The following ADAMTS12 variants were observed in gnomAD, a reference collection of about 807,000 sequenced individuals.
ADAMTS12 encodes ADAM metallopeptidase with thrombospondin type 1 motif 12.
ADAMTS12 carries 118 observed loss-of-function variants against 167.8 expected under a neutral mutation model. The observed-to-expected ratio is 0.70, with a 90% confidence interval of 0.61 to 0.82. ADAMTS12 has a LOEUF of 0.82. ADAMTS12 is among the 40% of genes least tolerant of loss of function. The pLI is 0.00. For synonymous variants in ADAMTS12, 704 were observed against 716.9 expected, an observed-to-expected ratio of 0.98 and a Z score of 0.29; for missense variants, 1,916 against 1,998.8, an observed-to-expected ratio of 0.96 and a Z score of 0.79.
intron 3 of ADAMTS12, among the ~76,000 whole-genome samples, chr5:33,739,015 C>T (rs1475033771): frequency 6.6e-6 from 1 of 152,152 alleles, no homozygotes; most frequent in African/African-American, 2.4e-5. Context: ...GAAAGCCTTT[C>T]GTTCGGAGGT....
chr5:33,556,952 C>T (rs754245872), intron 20 of ADAMTS12, among the ~76,000 whole-genome samples: 3 of 152,200 alleles, frequency 2.0e-5, no homozygotes, highest in Admixed American at 6.5e-5. Flanking sequence ...GTTCTTTCTG[C>T]TCATCCACCC....
intron 2 of ADAMTS12, among the ~76,000 whole-genome samples, chr5:33,763,203 G>A (rs572121661): frequency 6.6e-6 from 1 of 152,126 alleles, no homozygotes; most frequent in Admixed American, 6.6e-5. Context: ...TTAGCAGAAG[G>A]GAGTTTGCAG....
chr5:33,778,246 C>A (rs948547037), intron 2 of ADAMTS12, among the ~76,000 whole-genome samples: 2 of 151,918 alleles, frequency 1.3e-5, no homozygotes, highest in Admixed American at 6.6e-5. Context: ...AAGCTGGAAG[C>A]AAAACATTAC....
intron 3 of ADAMTS12, among the ~76,000 whole-genome samples, chr5:33,714,821 A>G (rs972235642): frequency 2.6e-5 from 4 of 152,056 alleles, no homozygotes; most frequent in African/African-American, 9.7e-5. Flanking sequence ...GAGTATGAAG[A>G]GAAGTTGGTT....
chr5:33,539,098 T>C (rs1013999997), intron 22 of ADAMTS12, among the ~76,000 whole-genome samples: 1 of 152,222 alleles, frequency 6.6e-6, no homozygotes, highest in African/African-American at 2.4e-5. Context: ...TGTACCACCA[T>C]GCCTGACTAA....
chr5:33,796,225 C>T (rs1178140575), intron 2 of ADAMTS12, among the ~76,000 whole-genome samples: 2 of 152,212 alleles, frequency 1.3e-5, no homozygotes, highest in Non-Finnish European at 2.9e-5. Flanking sequence ...TATCCACCAA[C>T]AATCACAGAG....
intron 7 of ADAMTS12, among the ~76,000 whole-genome samples, chr5:33,656,624 A>G (rs1289236003): frequency 6.6e-6 from 1 of 152,178 alleles, no homozygotes; most frequent in Non-Finnish European, 1.5e-5. Flanking sequence ...TGGTTTGAGT[A>G]TACCATTGTT....
chr5:33,688,482 C>T (rs900457979), intron 3 of ADAMTS12, among the ~76,000 whole-genome samples: 4 of 152,148 alleles, frequency 2.6e-5, no homozygotes, highest in Non-Finnish European at 2.9e-5. Context: ...TGCAATTTAC[C>T]GAGTACTTTT....
chr5:33,842,697 C>A (rs1748789080), intron 2 of ADAMTS12, among the ~76,000 whole-genome samples: 1 of 152,164 alleles, frequency 6.6e-6, no homozygotes, highest in Non-Finnish European at 1.5e-5. Flanking sequence ...ACAGTCTCTC[C>A]ATCTAAGCCC....
At chr5:33,665,954 C>T (rs1243068830) in intron 5 of ADAMTS12, among the ~76,000 whole-genome samples, 2 of 152,198 alleles carry the variant, frequency 1.3e-5, no homozygotes, top group Non-Finnish European at 2.9e-5. Flanking sequence ...AGGGCATATG[C>T]CATAAATGAC....
chr5:33,569,808 AG>A (rs567387078), intron 19 of ADAMTS12, among the ~76,000 whole-genome samples: 239 of 152,354 alleles, frequency 1.6e-3, no homozygotes, highest in African/African-American at 5.5e-3. Context: ...GAGCTACAGG[AG>A]GAAATTCAAA....
intron 3 of ADAMTS12, among the ~76,000 whole-genome samples, chr5:33,724,031 C>T (rs1352629474): frequency 6.6e-6 from 1 of 152,200 alleles, no homozygotes; most frequent in Non-Finnish European, 1.5e-5. Context: ...TATCCCAGAA[C>T]AAGCACAAGC....
At chr5:33,677,165 T>C (rs1246881352) in intron 5 of ADAMTS12, among the ~76,000 whole-genome samples, 1 of 152,194 alleles carries the variant, frequency 6.6e-6, no homozygotes, top group Non-Finnish European at 1.5e-5. Context: ...GACTTTGAAG[T>C]CCTTGTGAAA....
At position 33,881,453 on chromosome 5, in the gene ADAMTS12, T is replaced by A. The variant is rs1750441350; in HGVS notation, c.155A>T (p.Tyr52Phe). ...TACTCGGACTGGACCCACCACGTGG[T>A]ATTCTGGCAGGCCCTTGATAAAATG... The part of the protein sequence containing the change: ...QEHFIKGLPE[Y>F]HVVGPVRVDA... The change falls in exon 2 of 24, where the codon TAC (tyrosine) becomes TTC (phenylalanine). Residue 52 changes from tyrosine to phenylalanine, a missense_variant. Tyr to Phe is a conservative substitution (Grantham distance 22, BLOSUM62 3). Transcript: ENST00000504830. 6.2e-7 allele frequency: 1 copy of A among 1,613,256 alleles called. No individual in the cohort carries two copies. Among genetic ancestry groups the A allele is most frequent in the Admixed American group, 1.7e-5 (1 of 59,990 alleles).
At chr5:33,790,645 T>C (rs534175334) in intron 2 of ADAMTS12, among the ~76,000 whole-genome samples, 313 of 150,974 alleles carry the variant, frequency 2.1e-3, no homozygotes, top group African/African-American at 7.3e-3. Context: ...CTCCTGTAAA[T>C]TGGTCAACAG....
At chr5:33,639,832 C>A (rs1346493435) in intron 11 of ADAMTS12, among the ~76,000 whole-genome samples, 1 of 152,152 alleles carries the variant, frequency 6.6e-6, no homozygotes, top group African/African-American at 2.4e-5. Context: ...ATTTTCTATA[C>A]CTCCCCTCCC....
chr5:33,711,922 T>C (rs1003882218), intron 3 of ADAMTS12, among the ~76,000 whole-genome samples: 7 of 152,176 alleles, frequency 4.6e-5, no homozygotes, highest in African/African-American at 4.8e-5. Context: ...ATTTTAAGAA[T>C]AGTATTTCCA....
At chr5:33,649,151 C>T (rs912468322) in intron 8 of ADAMTS12, among the ~76,000 whole-genome samples, 185 bp from the exon 9 acceptor site, 1 of 152,176 alleles carries the variant, frequency 6.6e-6, no homozygotes, top group Admixed American at 6.5e-5. Flanking sequence ...TCATATCCCA[C>T]AACATAAGCT....
At chr5:33,745,626 T>C (rs1458218934) in intron 3 of ADAMTS12, among the ~76,000 whole-genome samples, 2 of 152,054 alleles carry the variant, frequency 1.3e-5, no homozygotes, top group African/African-American at 2.4e-5. Flanking sequence ...CGTCTCCTTA[T>C]TGGGGCATGG....
Sources: gnomAD v4.1 joint callset for allele counts (sites outside exome capture counted in the v4.1 genomes callset) on GRCh38, gnomAD v4.1.1 for gene constraint, MANE v1.5 for transcripts, NCBI Gene and HGNC (gene_info 2026-07-23, HGNC 2026-07-21) for gene names.